The following FGGY variants were observed in gnomAD, a reference collection of about 807,000 sequenced individuals.
FGGY encodes the protein FGGY carbohydrate kinase domain-containing protein.
FGGY carries 72 observed loss-of-function variants against 71.3 expected under a neutral mutation model. The observed-to-expected ratio is 1.01, with a 90% CI of 0.84 to 1.23. The LOEUF (loss-of-function observed/expected upper bound fraction) is 1.23. FGGY is among the 50% of genes most tolerant of loss of function. The pLI is 0.00. For missense variants in FGGY, 668 were observed against 682.3 expected, an observed-to-expected ratio of 0.98 and a Z score of 0.23; for synonymous variants, 251 against 250.3, an observed-to-expected ratio of 1.00 and a Z score of -0.02.
chr1:59,505,391 C>T lies in FGGY; in HGVS notation c.671-6920C>T, dbSNP rs562184080. ...TATCATAAAGTTTTGTTTCCCCACC[C>T]CTAAACCAGATTGTAGGTTCAGTCT... is the stretch of plus-strand genomic sequence containing the variant. On this transcript the variant is annotated intron_variant, in intron 6 of 15. Coordinates refer to ENST00000303721, the MANE Select transcript of FGGY (RefSeq NM_018291.5). Among the ~76,000 whole-genome samples, 3 of 152,190 alleles carry T rather than the reference C, an allele frequency of 2.0e-5. No homozygotes were observed. The South Asian group carries it at 6.2e-4, about 32-fold the overall frequency.
intron 4 of FGGY, among the ~76,000 whole-genome samples, chr1:59,348,061 A>T (rs2153222304): frequency 6.6e-6 from 1 of 152,330 alleles, no homozygotes; most frequent in Non-Finnish European, 1.5e-5. Flanking sequence ...TACTCATCTG[A>T]CAAAGGGCTA....
At chr1:59,554,563 G>A (rs2095656031) in intron 8 of FGGY, among the ~76,000 whole-genome samples, 1 of 152,156 alleles carries the variant, frequency 6.6e-6, no homozygotes, top group African/African-American at 2.4e-5. Flanking sequence ...CTAATGGGTA[G>A]CGGGGTCTTC....
intron 9 of FGGY, among the ~76,000 whole-genome samples, chr1:59,611,858 G>A (rs937747497): frequency 1.1e-4 from 17 of 152,200 alleles, no homozygotes; most frequent in African/African-American, 4.1e-4. Flanking sequence ...AAATGCACAA[G>A]CCTCAGTAGC....
chr1:59,614,880 G>C (rs1048089953), intron 9 of FGGY, among the ~76,000 whole-genome samples: 1 of 152,154 alleles, frequency 6.6e-6, no homozygotes, highest in African/African-American at 2.4e-5. Context: ...GCCAAATCAT[G>C]AGTGAACTCC....
At chr1:59,636,483 C>T (rs1235276239) in intron 10 of FGGY, among the ~76,000 whole-genome samples, 6 of 151,942 alleles carry the variant, frequency 3.9e-5, no homozygotes, top group East Asian at 1.9e-4. Flanking sequence ...ATTAGCCAGG[C>T]GTGGTGGCGG....
intron 14 of FGGY, among the ~76,000 whole-genome samples, chr1:59,734,920 C>G (rs1049400496): frequency 6.6e-6 from 1 of 152,244 alleles, no homozygotes; most frequent in Non-Finnish European, 1.5e-5. Flanking sequence ...TCTAATGTGA[C>G]AGATTATTTT....
chr1:59,443,615 G>A (rs550347414), intron 5 of FGGY, among the ~76,000 whole-genome samples: 4 of 152,322 alleles, frequency 2.6e-5, no homozygotes, highest in Admixed American at 6.5e-5. Flanking sequence ...AAGAATGTTG[G>A]AAGATAAGGA....
At chr1:59,721,995 T>A (rs956232588) in intron 14 of FGGY, among the ~76,000 whole-genome samples, 1 of 152,218 alleles carries the variant, frequency 6.6e-6, no homozygotes, top group Non-Finnish European at 1.5e-5. Flanking sequence ...TTATGCAGAT[T>A]TCCTTAGATT....
intron 13 of FGGY, among the ~76,000 whole-genome samples, chr1:59,670,121 A>G (rs1027176485): frequency 6.6e-6 from 1 of 152,212 alleles, no homozygotes; most frequent in Non-Finnish European, 1.5e-5. Flanking sequence ...GAAGCCTGTG[A>G]CTGACAAGTG....
intron 8 of FGGY, among the ~76,000 whole-genome samples, chr1:59,585,671 G>T (rs1359141296): frequency 6.6e-6 from 1 of 152,130 alleles, no homozygotes; most frequent in South Asian, 2.1e-4. Context: ...TTGACAAATG[G>T]GATCTCATTA....
intron 14 of FGGY, among the ~76,000 whole-genome samples, chr1:59,734,512 C>T (rs763764077): frequency 1.2e-4 from 19 of 152,130 alleles, no homozygotes; most frequent in Non-Finnish European, 2.4e-4. Context: ...TTCGTCCTTC[C>T]GTATGGCCCT....
At chr1:59,586,824 C>T (rs538962220) in intron 8 of FGGY, among the ~76,000 whole-genome samples, 27 of 151,770 alleles carry the variant, frequency 1.8e-4, no homozygotes, top group African/African-American at 6.0e-4. Flanking sequence ...CCAAGATGGC[C>T]GAATAGGAAC....
chr1:59,472,879 C>T (rs1446707058), intron 6 of FGGY, among the ~76,000 whole-genome samples: 2 of 152,034 alleles, frequency 1.3e-5, no homozygotes, highest in East Asian at 3.9e-4. Context: ...GTGTCTAGCT[C>T]AGGGTTTGTG....
chr1:59,466,512 C>A (rs1258568965), intron 6 of FGGY, among the ~76,000 whole-genome samples: 2 of 152,082 alleles, frequency 1.3e-5, no homozygotes, highest in African/African-American at 2.4e-5. Flanking sequence ...AATGGGATCT[C>A]ATTAAACTAA....
At chr1:59,586,972 G>C (rs1183981256) in intron 8 of FGGY, among the ~76,000 whole-genome samples, 1 of 152,226 alleles carries the variant, frequency 6.6e-6, no homozygotes, top group East Asian at 1.9e-4. Flanking sequence ...CACCGTGCAC[G>C]AGCTGAAGCA....
chr1:59,516,186 G>A (rs762923217), intron 7 of FGGY, among the ~76,000 whole-genome samples: 23 of 152,168 alleles, frequency 1.5e-4, no homozygotes, highest in Non-Finnish European at 2.8e-4. Context: ...GGGTGCAAAT[G>A]TTTCCTTTCA....
At position 59,575,487 on chromosome 1, in the gene FGGY, A is replaced by G. The variant is rs554887464; in HGVS notation, c.903+21260A>G. ...GTATTTTGTTTTGAATCTATGGCAC[A>G]TTTTCTTGATCTGTTGATGGACATT... On this transcript the variant is annotated intron_variant, in intron 8 of 15. Transcript: ENST00000303721. 5.9e-5 allele frequency among the ~76,000 whole-genome samples: 9 copies of G among 152,188 alleles called. No homozygotes were observed. In the South Asian group the frequency reaches 1.0e-3, roughly 18 times the overall value.
intron 5 of FGGY, among the ~76,000 whole-genome samples, chr1:59,404,660 A>G (rs989426062): frequency 6.6e-6 from 1 of 152,146 alleles, no homozygotes; most frequent in African/African-American, 2.4e-5. Context: ...AACTAATTCA[A>G]GGGATGTTGG....
chr1:59,610,779 C>T (rs912266757), intron 9 of FGGY, among the ~76,000 whole-genome samples: 2 of 152,262 alleles, frequency 1.3e-5, no homozygotes, highest in African/African-American at 2.4e-5. Flanking sequence ...AAAGCCATGA[C>T]AGATGGCACC....
Sources: allele counts gnomAD v4.1 joint callset (sites outside exome capture counted in the v4.1 genomes callset), GRCh38; gene constraint gnomAD v4.1.1; transcripts MANE v1.5; gene names NCBI Gene and HGNC (gene_info 2026-07-23, HGNC 2026-07-21).